The following RABGAP1L variants were observed in gnomAD, a reference collection of about 807,000 sequenced individuals.
The protein encoded by RABGAP1L is rab GTPase-activating protein 1-like.
In RABGAP1L, 63 loss-of-function variants were observed where a neutral mutation model predicts 137.7. The ratio of observed to expected loss-of-function variants is 0.46; its 90% CI spans 0.37 to 0.56. RABGAP1L has a LOEUF of 0.56. Among genes scored for constraint, RABGAP1L ranks in the 20% least tolerant of loss-of-function variants. RABGAP1L has a pLI of 0.00. For missense variants in RABGAP1L, 1,095 were observed against 1,244.0 expected (o/e 0.88, Z 1.80); for synonymous variants, 431 against 433.7 (o/e 0.99, Z 0.08).
intron 18 of RABGAP1L, among the ~76,000 whole-genome samples, chr1:174,772,992 G>T (rs890815461): frequency 6.6e-6 from 1 of 151,920 alleles, no homozygotes; most frequent in African/African-American, 2.4e-5. Flanking sequence ...TGTTAATACT[G>T]TATTGACTTG....
At position 174,552,118 on chromosome 1, in the gene RABGAP1L, C is replaced by A. The variant is rs78131084; in HGVS notation, c.1711-85257C>A. ...TTTAACAACATTCATTTTATCCTTT[C>A]CATTTTGGCATGGCACATGATCTTC... On this transcript the variant is annotated intron_variant, in intron 13 of 25. Transcript: ENST00000681986. Among the ~76,000 whole-genome samples the A allele has an allele frequency of 1.5e-3, 225 of 152,226 alleles. 1 individual carries two copies. Among genetic ancestry groups the A allele is most frequent in the African/African-American group, 5.4e-3 (223 of 41,534 alleles).
chr1:174,252,362 T>C, intron 6 of RABGAP1L, 118 bp from the exon 7 acceptor site: 1 of 1,231,016 alleles, frequency 8.1e-7, no homozygotes, highest in Non-Finnish European at 1.1e-6. Flanking sequence ...GTTTAGTATA[T>C]CTTAAGAATA....
chr1:174,741,093 A>G (rs1683367773), intron 17 of RABGAP1L, among the ~76,000 whole-genome samples: 1 of 148,994 alleles, frequency 6.7e-6, no homozygotes, highest in Non-Finnish European at 1.5e-5. Context: ...TTAATTCCCA[A>G]TCACTTATTT....
intron 13 of RABGAP1L, among the ~76,000 whole-genome samples, chr1:174,632,934 G>A (rs1673554798): frequency 6.6e-6 from 1 of 152,034 alleles, no homozygotes; most frequent in African/African-American, 2.4e-5. Flanking sequence ...CGTTGCTGGT[G>A]AGGAACTGCG....
intron 13 of RABGAP1L, among the ~76,000 whole-genome samples, chr1:174,540,628 G>T (rs1018089569): frequency 6.6e-6 from 1 of 152,060 alleles, no homozygotes; most frequent in African/African-American, 2.4e-5. Flanking sequence ...ATTTCTGAGG[G>T]CTCTGTTCTG....
In RABGAP1L at chr1:174,588,117, C is replaced by T. The variant is rs146558721; in HGVS notation, c.1711-49258C>T. Among the ~76,000 whole-genome samples, 578 of 152,116 alleles carry T rather than the reference C, an allele frequency of 3.8e-3. 5 individuals carry two copies. Among genetic ancestry groups the T allele is most frequent in the African/African-American group, 0.012 (495 of 41,494 alleles). ...CTGACCTCAAGTGATCCACCCGCCT[C>T]GGCTTCCAAAAGTGCTGGGATTACA... On this transcript the variant is annotated intron_variant, in intron 13 of 25. Coordinates refer to ENST00000681986, the MANE Select transcript of RABGAP1L (RefSeq NM_001366446.1).
chr1:174,862,994 A>G (rs1396851896), intron 19 of RABGAP1L, among the ~76,000 whole-genome samples: 1 of 151,774 alleles, frequency 6.6e-6, no homozygotes, highest in African/African-American at 2.4e-5. Flanking sequence ...ACCTGGATTC[A>G]AGTGATTCTC....
chr1:174,563,143 C>G (rs959487805), intron 13 of RABGAP1L, among the ~76,000 whole-genome samples: 16 of 152,116 alleles, frequency 1.1e-4, no homozygotes, highest in African/African-American at 7.2e-5. Flanking sequence ...CTATCTGGCT[C>G]TTTACCACAA....
chr1:174,284,159 G>A (rs1227084285), intron 10 of RABGAP1L, among the ~76,000 whole-genome samples: 1 of 152,124 alleles, frequency 6.6e-6, no homozygotes, highest in East Asian at 1.9e-4. Context: ...CAAATTTCAA[G>A]TACACAATAC....
intron 7 of RABGAP1L, among the ~76,000 whole-genome samples, chr1:174,260,861 G>A (rs906288901): frequency 6.6e-6 from 1 of 151,606 alleles, no homozygotes. Context: ...GAGAGAAGGG[G>A]AAATTTTTTC....
chr1:174,314,794 A>G (rs1679216477), intron 11 of RABGAP1L, among the ~76,000 whole-genome samples: 1 of 152,126 alleles, frequency 6.6e-6, no homozygotes, highest in Admixed American at 6.6e-5. Flanking sequence ...GTATTTGTAT[A>G]GTTTCCAAAA....
intron 7 of RABGAP1L, among the ~76,000 whole-genome samples, chr1:174,270,614 A>G (rs1422183988): frequency 6.6e-6 from 1 of 152,006 alleles, no homozygotes; most frequent in Non-Finnish European, 1.5e-5. Context: ...ATTAAAAAAA[A>G]TCTTTTTCTG....
chr1:174,293,994 A>G (rs929666996), intron 10 of RABGAP1L, among the ~76,000 whole-genome samples: 3 of 152,100 alleles, frequency 2.0e-5, no homozygotes, highest in Admixed American at 6.5e-5. Flanking sequence ...GTTCAGTTAG[A>G]CATCCTAGGT....
intron 17 of RABGAP1L, among the ~76,000 whole-genome samples, chr1:174,711,210 T>A (rs1010604015): frequency 6.6e-6 from 1 of 150,780 alleles, no homozygotes. Flanking sequence ...GGTTCCCACC[T>A]GCGCCTCTCC....
At chr1:174,916,348 A>G (rs536126670) in intron 19 of RABGAP1L, among the ~76,000 whole-genome samples, 1 of 152,278 alleles carries the variant, frequency 6.6e-6, no homozygotes, top group East Asian at 1.9e-4. Context: ...TTGCTTTTAC[A>G]TGCAATCTTG....
At chr1:174,215,926 A>C (rs1669283696) in intron 1 of RABGAP1L, among the ~76,000 whole-genome samples, 1 of 152,224 alleles carries the variant, frequency 6.6e-6, no homozygotes, top group South Asian at 2.1e-4. Flanking sequence ...ACAGATAAAG[A>C]AAATGTATAC....
At chr1:174,224,747 A>T (rs957495868) in intron 3 of RABGAP1L, among the ~76,000 whole-genome samples, 6 of 152,160 alleles carry the variant, frequency 3.9e-5, no homozygotes, top group African/African-American at 1.4e-4. Flanking sequence ...AGCCATACGT[A>T]TATTTCCTTG....
intron 19 of RABGAP1L, among the ~76,000 whole-genome samples, chr1:174,957,174 C>T (rs1283322701): frequency 2.0e-5 from 3 of 152,172 alleles, no homozygotes; most frequent in Admixed American, 6.5e-5. Flanking sequence ...GGAACACAGC[C>T]AGGCTCATTT....
chr1:174,844,009 G>A (rs1693774568), intron 19 of RABGAP1L, among the ~76,000 whole-genome samples: 2 of 145,690 alleles, frequency 1.4e-5, no homozygotes, highest in South Asian at 4.5e-4. Context: ...TGTGTTTTTT[G>A]GCTGCATAAA....
Sources: gnomAD v4.1 joint callset for allele counts (sites outside exome capture counted in the v4.1 genomes callset) on GRCh38, gnomAD v4.1.1 for gene constraint, MANE v1.5 for transcripts, NCBI Gene and HGNC (gene_info 2026-07-23, HGNC 2026-07-21) for gene names.